MYBPH: variants seen among roughly 807,000 people sequenced by gnomAD.
The protein encoded by MYBPH is myosin binding protein H, also known as myosin-binding protein H.
A neutral mutation model predicts 53.6 loss-of-function variants in MYBPH; 49 were observed. That is an observed-to-expected ratio of 0.91 (90% CI 0.73 to 1.16). The LOEUF (loss-of-function observed/expected upper bound fraction) is 1.16. Among genes scored for constraint, MYBPH ranks in the 50% most tolerant of loss-of-function variants. MYBPH has a pLI of 0.00. For synonymous variants in MYBPH, 239 were observed against 249.6 expected, an observed-to-expected ratio of 0.96 and a Z score of 0.40; for missense variants, 558 against 624.1, an observed-to-expected ratio of 0.89 and a Z score of 1.13.
rs1362716512 is a variant in MYBPH at position 203,171,227 on chromosome 1, T to G, written c.794-27A>C. 1 of 1,569,170 alleles carries G rather than the reference T, an allele frequency of 6.4e-7. No individual in the cohort carries two copies. The highest frequency in any genetic ancestry group is 8.6e-7 in the Non-Finnish European group (1 of 1,157,020). On this transcript the variant is annotated intron_variant, in intron 5 of 10. Transcript: ENST00000255416. The surrounding 1 kb of genome is among the most constrained non-coding windows in gnomAD (Gnocchi z 4.2). Reference sequence around the variant, plus strand: ...TGTAGGCCCAGAGTGTGAGAGGAAGTGAGTGTGAGGGCCAGGCTGGCCACA... The same window carrying G: ...TGTAGGCCCAGAGTGTGAGAGGAAGGGAGTGTGAGGGCCAGGCTGGCCACA...
intron 2 of MYBPH, 138 bp downstream of exon 2, chr1:203,175,189 G>C (rs534557008): frequency 9.1e-7 from 1 of 1,094,552 alleles, no homozygotes; most frequent in African/African-American, 1.6e-5. Flanking sequence ...CAGGTGGGTG[G>C]GTTGAGGAGC....
At position 203,171,829 on chromosome 1, in the gene MYBPH, G is replaced by T; in HGVS notation, c.597+123C>A. 1.4e-6 allele frequency: 1 copy of T among 729,088 alleles called. No homozygotes were observed. Among genetic ancestry groups the T allele is most frequent in the Non-Finnish European group, 2.1e-6 (1 of 480,810 alleles). 45.2% of individuals were successfully genotyped at this position (729,088 alleles called of 1,614,324 possible). On this transcript the variant is annotated intron_variant, in intron 4 of 10. Transcript: ENST00000255416. The surrounding 1 kb of genome is among the most constrained non-coding windows in gnomAD (Gnocchi z 4.2). ...ATGAGTCATGTGCATGATTGCGGAAGGATGAAGCCGTCTCGCTGGGTCTCA... is the reference window on the plus strand; with the variant it reads ...ATGAGTCATGTGCATGATTGCGGAATGATGAAGCCGTCTCGCTGGGTCTCA...
At chr1:203,175,896 G>T, upstream of MYBPH, 1 of 800,958 alleles carries the variant, frequency 1.2e-6, no homozygotes, top group Non-Finnish European at 2.0e-6. Flanking sequence ...ATTCCCAGCT[G>T]TGGGGTCAGG....
intron 6 of MYBPH, 21 bp from the exon 7 acceptor site, chr1:203,170,471 C>A: frequency 6.2e-7 from 1 of 1,611,522 alleles, no homozygotes; most frequent in Non-Finnish European, 8.5e-7. Context: ...CCGGGTGTCA[C>A]CCTCATTTCT....
intron 3 of MYBPH, 79 bp downstream of exon 3, chr1:203,174,351 C>G: frequency 4.7e-6 from 7 of 1,496,440 alleles, no homozygotes; most frequent in East Asian, 2.3e-5. Context: ...CTGGTTCCCT[C>G]TACCTGCTGG....
upstream of MYBPH, among the ~76,000 whole-genome samples, chr1:203,176,582 A>T (rs1437786105): frequency 6.6e-6 from 1 of 151,910 alleles, no homozygotes; most frequent in African/African-American, 2.4e-5. Flanking sequence ...GGAGGAGAGC[A>T]CTCTGAAGCT....
intron 3 of MYBPH, among the ~76,000 whole-genome samples, chr1:203,172,828 A>C (rs1655725761): frequency 6.6e-6 from 1 of 152,182 alleles, no homozygotes; most frequent in South Asian, 2.1e-4. Flanking sequence ...GCTCCTCAGC[A>C]GCAAACAGGT....
rs955072454 is a variant in MYBPH, at chr1:203,171,386, T to C, written c.790A>G (p.Ile264Val). The C allele has an allele frequency of 1.9e-6, 3 of 1,612,248 alleles. No homozygotes were observed. In the African/African-American group the frequency reaches 4.0e-5, roughly 22 times the overall value. ...CACTGTTCCCCTGGCTCCATACCAA[T>C]CACCAGGATGTCAATGACTGCCTTG... is the stretch of plus-strand genomic sequence containing the variant. Reference protein sequence around the residue: ...EAKAVIDILVIEKPGPPSSIR... With the variant: ...EAKAVIDILVVEKPGPPSSIR... The change falls in exon 5 of 11, where the codon ATT becomes GTT. Residue 264 changes from isoleucine to valine, a missense_variant. Ile to Val is a conservative substitution (Grantham distance 29). Transcript: ENST00000255416. The surrounding 1 kb of genome is among the most constrained non-coding windows in gnomAD (Gnocchi z 4.2).
chr1:203,173,779 G>C (rs190980194), intron 3 of MYBPH, among the ~76,000 whole-genome samples: 1 of 152,342 alleles, frequency 6.6e-6, no homozygotes, highest in East Asian at 1.9e-4. Flanking sequence ...CCTCAGATCA[G>C]ACCAAATGAC....
Position 203,172,089 on chromosome 1 carries a change from T to C in MYBPH, c.509-49A>G, listed in dbSNP as rs190584882. The C allele has an allele frequency of 3.4e-6, 4 of 1,181,342 alleles. No homozygotes were observed. The East Asian group carries it at 9.2e-5, about 27-fold the overall frequency. 73.2% of individuals were successfully genotyped at this position (1,181,342 alleles called of 1,614,324 possible). ...CTTAGCAGTGCAGTGGGGTGGCTGA[T>C]TGGGGTTTCTGAGATGGGGCAGGGG... On this transcript the variant is annotated intron_variant, in intron 3 of 10. Coordinates refer to ENST00000255416, the MANE Select transcript of MYBPH (RefSeq NM_004997.3).
intron 3 of MYBPH, 145 bp from the exon 4 acceptor site, chr1:203,172,185 C>T: frequency 4.5e-6 from 2 of 441,878 alleles, no homozygotes; most frequent in East Asian, 7.1e-5. Context: ...TCCCTCCTTG[C>T]AGGAAGGGTG....
intron 2 of MYBPH, 104 bp downstream of exon 2, chr1:203,175,223 T>A: frequency 7.4e-7 from 1 of 1,359,766 alleles, no homozygotes. Context: ...CCCCTCCTTC[T>A]GTATCTCTCC....
rs1327659956 is a variant in MYBPH at position 203,175,673 on chromosome 1, T to A, written c.83A>T (p.Glu28Val). 7 of 1,613,856 alleles carry A rather than the reference T, an allele frequency of 4.3e-6. No individual in the cohort carries two copies. The highest frequency in any genetic ancestry group is 5.9e-6 in the Non-Finnish European group (7 of 1,179,938). Residue 28 changes from glutamate (E) to valine (V), a missense_variant, in exon 1 of 11, where the codon GAG becomes GTG. Coordinates refer to ENST00000255416, the MANE Select transcript of MYBPH (RefSeq NM_004997.3). ...ASESAKVPTA[E>V]PPGEVAVSES... ...TGATACTGCCACTTCTCCGGGAGGC[T>A]CTGCTGTGGGCACCTTGGCAGATTC...
intron 10 of MYBPH, among the ~76,000 whole-genome samples, chr1:203,168,327 C>T (rs558679042): frequency 1.9e-4 from 29 of 152,322 alleles, no homozygotes; most frequent in Admixed American, 1.2e-3. Context: ...CCCCAGTTTT[C>T]GGATGAGAGA....
chr1:203,175,199 C>G (rs111872258), intron 2 of MYBPH, 128 bp downstream of exon 2: 1 of 1,200,480 alleles, frequency 8.3e-7, no homozygotes, highest in African/African-American at 1.5e-5. Context: ...GGTTGAGGAG[C>G]CTACTGCTCG....
At chr1:203,174,365 C>T in intron 3 of MYBPH, 65 bp downstream of exon 3, 1 of 1,496,696 alleles carries the variant, frequency 6.7e-7, no homozygotes, top group Non-Finnish European at 9.0e-7. Context: ...CTGCTGGCCT[C>T]AGTTTCTCCA....
chr1:203,177,741 G>A (rs924381244), upstream of MYBPH, among the ~76,000 whole-genome samples: 3 of 152,260 alleles, frequency 2.0e-5, no homozygotes, highest in African/African-American at 7.2e-5. Context: ...CCCAGGGGAG[G>A]GCAGTTGGCT....
Position 203,175,345 on chromosome 1 carries a change from C to T in MYBPH, c.322G>A (p.Glu108Lys). 1 of 1,523,054 alleles carries T rather than the reference C, an allele frequency of 6.6e-7. No individual in the cohort carries two copies. The highest frequency in any genetic ancestry group is 8.8e-7 in the Non-Finnish European group (1 of 1,138,476). 94.3% of individuals were successfully genotyped at this position (1,523,054 alleles called of 1,614,324 possible). A position where few individuals can be genotyped will look rare whatever the true frequency, so the allele number is the denominator to read the frequency against. Residue 108 changes from glutamate (E) to lysine (K), a missense_variant, in exon 2 of 11, where the codon GAG becomes AAG. Glu to Lys is a moderately conservative substitution (Grantham distance 56). Coordinates refer to ENST00000255416, the MANE Select transcript of MYBPH (RefSeq NM_004997.3). ...GRLGLQGYVL[E>K]LCREGASEWV... is the part of the protein sequence containing the mutation. ...CACTCACCTCCCTCTCTGCAGAGCT[C>T]CAGCACATAGCCCTGGAGGCCCAGC...
chr1:203,175,189 G>T, intron 2 of MYBPH, 138 bp downstream of exon 2: 1 of 1,094,552 alleles, frequency 9.1e-7, no homozygotes, highest in Admixed American at 2.9e-5. Flanking sequence ...CAGGTGGGTG[G>T]GTTGAGGAGC....
Sources: gnomAD v4.1 joint callset for allele counts (sites outside exome capture counted in the v4.1 genomes callset) on GRCh38, gnomAD v4.1.1 for gene constraint, Gnocchi (gnomAD v3.1) non-coding constraint, MANE v1.5 for transcripts, NCBI Gene and HGNC (gene_info 2026-07-23, HGNC 2026-07-21) for gene names.